Variants in UBE2E1 observed in about 807,000 individuals in gnomAD.
UBE2E1 encodes ubiquitin conjugating enzyme E2 E1.
Under a neutral mutation model 21.4 loss-of-function variants are expected in UBE2E1, and 6 were observed. The ratio of observed to expected loss-of-function variants is 0.28; its 90% confidence interval spans 0.15 to 0.55. The LOEUF (loss-of-function observed/expected upper bound fraction) is 0.55. Among genes scored for constraint, UBE2E1 ranks in the 20% least tolerant of loss-of-function variants. The pLI is 0.93. For synonymous variants in UBE2E1, 87 were observed against 82.7 expected (o/e 1.05, Z -0.28); for missense variants, 142 against 236.5 (o/e 0.60, Z 2.62).
rs1183800267 is a variant in UBE2E1, at chr3:23,810,631, C to G, written c.153-829C>G. On this transcript the variant is annotated intron_variant, in intron 2 of 5. Coordinates refer to ENST00000306627, the MANE Select transcript of UBE2E1 (RefSeq NM_003341.5). This position sits in a 1 kb window ranked among gnomAD's most constrained non-coding sequence, Gnocchi z 5.8. ...CCGGCCACTTGGGGTCTGTGGTGCC[C>G]GAGTGGCGGGCGGGGGTGTTCGCGC... 6 of 1,143,388 alleles carry G rather than the reference C, an allele frequency of 5.2e-6. No homozygotes were observed. In the Admixed American group the frequency reaches 8.9e-5, roughly 17 times the overall value. The allele number at this position is 1,143,388 out of a possible 1,614,324, so 70.8% of individuals were successfully genotyped here. A position where few individuals can be genotyped will look rare whatever the true frequency, so the allele number is the denominator to read the frequency against.
At chr3:23,880,864 T>G (rs1701022542) in intron 3 of UBE2E1, among the ~76,000 whole-genome samples, 1 of 152,250 alleles carries the variant, frequency 6.6e-6, no homozygotes, top group Non-Finnish European at 1.5e-5. Context: ...ACAGTTGGTT[T>G]GTTAATACCT....
At chr3:23,882,172 C>T (rs1430560391) in intron 3 of UBE2E1, among the ~76,000 whole-genome samples, 1 of 152,174 alleles carries the variant, frequency 6.6e-6, no homozygotes, top group Non-Finnish European at 1.5e-5. Flanking sequence ...GCTTTTTATT[C>T]CTTTATCTGG....
chr3:23,810,585 G>A lies in UBE2E1; in HGVS notation c.153-875G>A. 6.8e-7 allele frequency: 1 copy of A among 1,478,260 alleles called. No individual in the cohort carries two copies. 91.6% of individuals were successfully genotyped at this position (1,478,260 alleles called of 1,614,324 possible). ...GCGTGCGGGGCGGAGGCAGGGTCCG[G>A]TGCACCTGTGCGGCCGCGGGCCGGC... On this transcript the variant is annotated intron_variant, in intron 2 of 5. Coordinates refer to ENST00000306627, the MANE Select transcript of UBE2E1 (RefSeq NM_003341.5). This position sits in a 1 kb window ranked among gnomAD's most constrained non-coding sequence, Gnocchi z 5.8.
Position 23,807,390 on chromosome 3 carries a change from A to C in UBE2E1, c.121A>C (p.Asn41His), listed in dbSNP as rs918391207. 8 of 1,613,196 alleles carry C rather than the reference A, an allele frequency of 5.0e-6. No individual in the cohort carries two copies. The highest frequency in any genetic ancestry group is 6.8e-6 in the Non-Finnish European group (8 of 1,179,766). The change falls in exon 2 of 6, where the codon AAC (asparagine) becomes CAC (histidine). Residue 41 changes from asparagine (N) to histidine (H), a missense_variant. Around this residue, in one of 2 missense-constraint regions of UBE2E1, gnomAD observed 55 missense variants for 51.5 expected, o/e 1.07. Transcript: ENST00000306627. ...KKESKVSMSKNSKLLSTSAKR... is the reference protein window; with the variant it reads ...KKESKVSMSKHSKLLSTSAKR... ...GGAGAGTAAAGTCAGCATGAGCAAA[A>C]ACTCCAAACTCCTCTCCACCAGCGC...
chr3:23,877,469 G>A (rs1052331506), intron 3 of UBE2E1, among the ~76,000 whole-genome samples: 1 of 152,058 alleles, frequency 6.6e-6, no homozygotes, highest in African/African-American at 2.4e-5. Flanking sequence ...CTTTGTGGGG[G>A]CTGTCTGGTG....
chr3:23,806,624 C>T lies in UBE2E1; in HGVS notation c.-34+536C>T, dbSNP rs934314013. Among the ~76,000 whole-genome samples, 23 of 151,442 alleles carry T rather than the reference C, an allele frequency of 1.5e-4. 1 individual carries two copies. The South Asian group carries it at 4.6e-3, about 30-fold the overall frequency. On this transcript the variant is annotated intron_variant, in intron 1 of 5. Coordinates refer to ENST00000306627, the MANE Select transcript of UBE2E1 (RefSeq NM_003341.5). The surrounding 1 kb of genome is among the most constrained non-coding windows in gnomAD (Gnocchi z 6.5). ...GCAGGGCGGCCAGAGGCAGGCAGGC[C>T]GGGAGGGGCGTCGGGGCGCGGCGCG...
At chr3:23,885,913 A>G (rs573204095) in intron 3 of UBE2E1, among the ~76,000 whole-genome samples, 2 of 150,300 alleles carry the variant, frequency 1.3e-5, no homozygotes, top group South Asian at 4.2e-4. Context: ...CTGTATCTAA[A>G]ACAAACTTTT....
At chr3:23,875,595 A>G (rs909792379) in intron 3 of UBE2E1, among the ~76,000 whole-genome samples, 1 of 152,196 alleles carries the variant, frequency 6.6e-6, no homozygotes, top group Non-Finnish European at 1.5e-5. Context: ...AGTAGGCACC[A>G]TTTCCTCAGT....
intron 3 of UBE2E1, among the ~76,000 whole-genome samples, chr3:23,815,574 C>G (rs561775568): frequency 3.0e-4 from 45 of 152,250 alleles, no homozygotes; most frequent in African/African-American, 1.1e-3. Flanking sequence ...CCAATACCTC[C>G]TCGAATTGGT....
chr3:23,877,203 C>T (rs1438568916), intron 3 of UBE2E1, among the ~76,000 whole-genome samples: 1 of 152,208 alleles, frequency 6.6e-6, no homozygotes, highest in South Asian at 2.1e-4. Context: ...TGTCCAGAGG[C>T]GGCACTTTGA....
rs542247092 is a variant in UBE2E1 at position 23,831,098 on chromosome 3, AAG to A, written c.203+19590_203+19591del. ...TCTGATACCACTTTTGTTATTAGCT[AAG>A]ACTCTTTATGTTGCAGGTAACAGCA... On this transcript the variant is annotated intron_variant, in intron 3 of 5. Coordinates refer to ENST00000306627, the MANE Select transcript of UBE2E1 (RefSeq NM_003341.5). Among the ~76,000 whole-genome samples, 79 of 152,316 alleles carry A rather than the reference AAG, an allele frequency of 5.2e-4. No homozygotes were observed. The Middle Eastern group carries it at 0.01, about 20-fold the overall frequency.
In UBE2E1 at chr3:23,855,073, C is replaced by G. The variant is rs540373821; in HGVS notation, c.204-32494C>G. On this transcript the variant is annotated intron_variant, in intron 3 of 5. Coordinates refer to ENST00000306627, the MANE Select transcript of UBE2E1 (RefSeq NM_003341.5). Reference sequence around the variant, plus strand: ...AATGTTTTTCAACTTAGAGATTCAACTCATTTCAGGGATGTGTTTAATCCA... The same window carrying G: ...AATGTTTTTCAACTTAGAGATTCAAGTCATTTCAGGGATGTGTTTAATCCA... 2.6e-5 allele frequency among the ~76,000 whole-genome samples: 4 copies of G among 152,274 alleles called. No individual in the cohort carries two copies. In the East Asian group the frequency reaches 7.7e-4, roughly 29 times the overall value.
intron 3 of UBE2E1, among the ~76,000 whole-genome samples, chr3:23,817,191 C>G (rs2125283846): frequency 6.6e-6 from 1 of 152,170 alleles, no homozygotes; most frequent in South Asian, 2.1e-4. Context: ...GCCTGTAATC[C>G]CAGCACTTTG....
chr3:23,846,312 T>C (rs1406447849), intron 3 of UBE2E1, among the ~76,000 whole-genome samples: 6 of 152,170 alleles, frequency 3.9e-5, no homozygotes, highest in East Asian at 1.9e-4. Context: ...CCTGTAGTCC[T>C]AGCTACTTGG....
rs1559482500 is a variant in UBE2E1 at position 23,842,253 on chromosome 3, T to TGTGTGTGGTGG, written c.203+30743_203+30744insGTGTGTGGTGG. ...TGTGTGTGTGTGTGTGTGTGTGGTG[T>TGTGTGTGGTGG]TGTTGTTGTTGGCGACAGGGTCTCA... On this transcript the variant is annotated intron_variant, in intron 3 of 5. Coordinates refer to ENST00000306627, the MANE Select transcript of UBE2E1 (RefSeq NM_003341.5). The surrounding 1 kb of genome is among the most constrained non-coding windows in gnomAD (Gnocchi z 4.6). Among the ~76,000 whole-genome samples, 1 of 56,754 alleles carries TGTGTGTGGTGG rather than the reference T, an allele frequency of 1.8e-5. No homozygotes were observed. The highest frequency in any genetic ancestry group is 5.9e-5 in the African/African-American group (1 of 16,868). The allele number at this position is 56,754 out of a possible 152,430, so 37.2% of individuals were successfully genotyped here.
At chr3:23,811,739 C>T (rs953884456) in intron 3 of UBE2E1, among the ~76,000 whole-genome samples, 3 of 152,140 alleles carry the variant, frequency 2.0e-5, no homozygotes, top group African/African-American at 7.2e-5. Flanking sequence ...TGGATTTTTA[C>T]ATATATGAAA....
At chr3:23,875,417 A>G (rs1035112572) in intron 3 of UBE2E1, among the ~76,000 whole-genome samples, 2 of 152,216 alleles carry the variant, frequency 1.3e-5, no homozygotes, top group Non-Finnish European at 2.9e-5. Flanking sequence ...CCAAATGACT[A>G]TAGCAGTCTG....
At chr3:23,864,840 C>A (rs1048709210) in intron 3 of UBE2E1, among the ~76,000 whole-genome samples, 6 of 152,226 alleles carry the variant, frequency 3.9e-5, no homozygotes, top group African/African-American at 1.4e-4. Flanking sequence ...CGAAGGCCGG[C>A]CTGTGTTCTG....
chr3:23,837,522 T>TG (rs1289648132), intron 3 of UBE2E1, among the ~76,000 whole-genome samples: 1 of 152,240 alleles, frequency 6.6e-6, no homozygotes, highest in Non-Finnish European at 1.5e-5. Flanking sequence ...TTGGGACTGT[T>TG]GCCTGCACCA....
Sources: gnomAD v4.1 joint callset for allele counts (sites outside exome capture counted in the v4.1 genomes callset) on GRCh38, gnomAD v4.1.1 for gene constraint, gnomAD v4.1.1 regional missense constraint, Gnocchi (gnomAD v3.1) non-coding constraint, MANE v1.5 for transcripts, NCBI Gene and HGNC (gene_info 2026-07-23, HGNC 2026-07-21) for gene names.